The following EPB41L1 variants were observed in gnomAD, a reference collection of about 807,000 sequenced individuals.
EPB41L1 encodes band 4.1-like protein 1.
In EPB41L1, 29 loss-of-function variants were observed where a neutral mutation model predicts 97.8. The ratio of observed to expected loss-of-function variants is 0.30; its 90% CI spans 0.22 to 0.40. EPB41L1 has a LOEUF of 0.40. EPB41L1 is among the 10% of genes least tolerant of loss of function. The pLI is 1.00. For missense variants in EPB41L1, 812 were observed against 1,162.3 expected, an observed-to-expected ratio of 0.70 and a Z score of 4.38; for synonymous variants, 383 against 459.2, an observed-to-expected ratio of 0.83 and a Z score of 2.12.
upstream of EPB41L1, chr20:36,153,198 C>T (rs1422204817): frequency 3.6e-5 from 15 of 417,474 alleles, no homozygotes; most frequent in Admixed American, 3.8e-4. Context: ...GGCATAGCCT[C>T]ATTCTTTGGA....
intron 2 of EPB41L1, among the ~76,000 whole-genome samples, chr20:36,143,130 GGTGTGTTT>G (rs879488297): frequency 2.8e-4 from 39 of 138,150 alleles, no homozygotes; most frequent in Middle Eastern, 7.4e-3. Context: ...TGTGAGGGAG[GGTGTGTTT>G]GTGTGTGTGT....
chr20:36,221,228 C>A (rs1366225831), intron 19 of EPB41L1, among the ~76,000 whole-genome samples: 5 of 152,206 alleles, frequency 3.3e-5, no homozygotes, highest in Non-Finnish European at 5.9e-5. Context: ...TCAGTTATTA[C>A]TTCTAAACTT....
intron 1 of EPB41L1, among the ~76,000 whole-genome samples, chr20:36,157,827 G>A (rs984163116): frequency 6.6e-6 from 1 of 152,208 alleles, no homozygotes; most frequent in Non-Finnish European, 1.5e-5. Flanking sequence ...GACACATCCC[G>A]AGGCCACAGT....
intron 2 of EPB41L1, among the ~76,000 whole-genome samples, chr20:36,147,892 C>T (rs955387301): frequency 6.6e-6 from 1 of 152,186 alleles, no homozygotes; most frequent in Non-Finnish European, 1.5e-5. Flanking sequence ...ACATCTGTAT[C>T]TAGTGGGTAC....
intron 14 of EPB41L1, among the ~76,000 whole-genome samples, chr20:36,204,178 A>G (rs756549215): frequency 6.6e-5 from 10 of 152,092 alleles, no homozygotes; most frequent in Non-Finnish European, 1.3e-4. Flanking sequence ...CTGAGTTTCC[A>G]TATCTGTATC....
intron 21 of EPB41L1, among the ~76,000 whole-genome samples, chr20:36,227,107 G>T (rs1206667657): frequency 6.6e-6 from 1 of 152,096 alleles, no homozygotes; most frequent in African/African-American, 2.4e-5. Context: ...TTGAGCCCAG[G>T]GGTTCAAGAC....
At chr20:36,105,194 A>C (rs780832010) in intron 1 of EPB41L1, among the ~76,000 whole-genome samples, 3 of 152,152 alleles carry the variant, frequency 2.0e-5, no homozygotes, top group Admixed American at 2.0e-4. Context: ...CAGGCACCCT[A>C]GCGTCTGTGG....
chr20:36,208,290 C>T (rs189184914), intron 14 of EPB41L1: 74 of 444,496 alleles, frequency 1.7e-4, no homozygotes, highest in Non-Finnish European at 3.2e-4. Context: ...TAACTGTCTT[C>T]TCTAATCCAG....
chr20:36,152,388 A>G (rs2145444060), upstream of EPB41L1: 1 of 153,546 alleles, frequency 6.5e-6, no homozygotes, highest in African/African-American at 2.4e-5. Context: ...GAGAGGCTCC[A>G]TCTGGTTGAG....
At chr20:36,216,611 TTCTC>T (rs1289203256) in intron 17 of EPB41L1, among the ~76,000 whole-genome samples, 1 of 152,142 alleles carries the variant, frequency 6.6e-6, no homozygotes, top group Non-Finnish European at 1.5e-5. Context: ...TCTTCCCTCC[TTCTC>T]TCTCTCTCCT....
At chr20:36,197,811 G>T (rs202074519) in intron 13 of EPB41L1, 48 bp from the exon 14 acceptor site, 1 of 1,613,718 alleles carries the variant, frequency 6.2e-7, no homozygotes, top group Non-Finnish European at 8.5e-7. Flanking sequence ...CTGCATCCCC[G>T]CTTGGAGCTG....
chr20:36,191,329 T>TG, intron 11 of EPB41L1, among the ~76,000 whole-genome samples: 1 of 152,358 alleles, frequency 6.6e-6, no homozygotes, highest in East Asian at 1.9e-4. Context: ...TACTAGGTTC[T>TG]GGGCTGATTG....
chr20:36,114,168 G>A (rs373026083), intron 2 of EPB41L1, among the ~76,000 whole-genome samples: 1 of 152,256 alleles, frequency 6.6e-6, no homozygotes, highest in Admixed American at 6.5e-5. Flanking sequence ...ATCCGCCCTA[G>A]CTACTTCTCA....
intron 1 of EPB41L1, among the ~76,000 whole-genome samples, chr20:36,101,248 G>T (rs1193866178): frequency 6.6e-6 from 1 of 152,142 alleles, no homozygotes; most frequent in Non-Finnish European, 1.5e-5. Context: ...AAAAAAAGGA[G>T]CTGGCCTGAG....
At position 36,199,794 on chromosome 20, in the gene EPB41L1, C is replaced by T. The variant is rs1039645859; in HGVS notation, c.1668+1753C>T. 2.6e-5 allele frequency among the ~76,000 whole-genome samples: 4 copies of T among 152,080 alleles called. No homozygotes were observed. The South Asian group carries it at 6.3e-4, about 24-fold the overall frequency. The stretch of plus-strand genomic sequence containing the variant: ...TGGCCAAGCTTGGCCTGGCTGTGGG[C>T]GAGGTGGGATGCAGAGGCTACTGAA... On this transcript the variant is annotated intron_variant, in intron 14 of 21. Coordinates refer to ENST00000338074, the MANE Select transcript of EPB41L1 (RefSeq NM_012156.2).
chr20:36,190,362 A>G lies in EPB41L1; in HGVS notation c.1112A>G (p.His371Arg). 6.2e-7 allele frequency: 1 copy of G among 1,614,096 alleles called. No homozygotes were observed. Among genetic ancestry groups the G allele is most frequent in the Non-Finnish European group, 8.5e-7 (1 of 1,180,022 alleles). ...CTGTGGAAGGTCTGCATCGAGCATC[A>G]TACATTCTTCCGGTGAGCCTGACCT... ...KRLWKVCIEH[H>R]TFFRLVSPEP... The change falls in exon 10 of 22, where the codon CAT (histidine) becomes CGT (arginine). Residue 371 changes from histidine (H) to arginine (R), a missense_variant. Transcript: ENST00000338074. This position sits in a 1 kb window ranked among gnomAD's most constrained non-coding sequence, Gnocchi z 5.8.
intron 1 of EPB41L1, among the ~76,000 whole-genome samples, chr20:36,096,925 C>T (rs1421306539): frequency 3.1e-4 from 47 of 152,248 alleles, no homozygotes; most frequent in Admixed American, 3.0e-3. Flanking sequence ...AAGCAGGCTT[C>T]AGCCTTTTCT....
chr20:36,177,074 ACTGAGG>A, intron 3 of EPB41L1, among the ~76,000 whole-genome samples: 1 of 152,306 alleles, frequency 6.6e-6, no homozygotes, highest in Non-Finnish European at 1.5e-5. Context: ...AAAGCATTTG[ACTGAGG>A]CTAGGTCCTC....
intron 1 of EPB41L1, among the ~76,000 whole-genome samples, chr20:36,095,268 G>A (rs11698261): frequency 6.6e-6 from 1 of 151,468 alleles, no homozygotes; most frequent in South Asian, 2.1e-4. Context: ...CACCGTGCTC[G>A]GCCTAATTTT....
Sources: gnomAD v4.1 joint callset for allele counts (sites outside exome capture counted in the v4.1 genomes callset) on GRCh38, gnomAD v4.1.1 for gene constraint, Gnocchi (gnomAD v3.1) non-coding constraint, MANE v1.5 for transcripts, NCBI Gene and HGNC (gene_info 2026-07-23, HGNC 2026-07-21) for gene names.